Variants in ERCC1 observed in about 807,000 individuals in gnomAD.
The protein encoded by ERCC1 is DNA excision repair protein ERCC-1.
A neutral mutation model predicts 37.6 loss-of-function variants in ERCC1; 36 were observed. The observed-to-expected ratio is 0.96, with a 90% confidence interval of 0.73 to 1.26. The LOEUF (loss-of-function observed/expected upper bound fraction) is 1.26. ERCC1 is among the 50% of genes most tolerant of loss of function. ERCC1 has a pLI of 0.00. For synonymous variants in ERCC1, 156 were observed against 162.1 expected, an observed-to-expected ratio of 0.96 and a Z score of 0.28; for missense variants, 349 against 376.5, an observed-to-expected ratio of 0.93 and a Z score of 0.60.
chr19:45,419,677 T>C (rs1454885507), intron 4 of ERCC1, among the ~76,000 whole-genome samples: 2 of 152,128 alleles, frequency 1.3e-5, no homozygotes, highest in African/African-American at 4.8e-5. Context: ...GAGGTTTCAC[T>C]TCCTCTGTCT....
At chr19:45,414,820 C>A (rs1447443382) in intron 7 of ERCC1, 41 bp downstream of exon 7, 11 of 1,415,396 alleles carry the variant, frequency 7.8e-6, no homozygotes, top group Non-Finnish European at 1.1e-5. Context: ...CCAGGAGCTG[C>A]GGGGAGGCCC....
Position 45,414,606 on chromosome 19 carries a change from G to C in ERCC1, c.702+255C>G, listed in dbSNP as rs540833696. On this transcript the variant is annotated intron_variant, in intron 7 of 9. Transcript: ENST00000300853. ...AGGCCACGGGGCTTCTGAGCCTGACGGGCCCTTGTTGAGCCTGGTGAGAAG... is the reference window on the plus strand; with the variant it reads ...AGGCCACGGGGCTTCTGAGCCTGACCGGCCCTTGTTGAGCCTGGTGAGAAG... 1.6e-4 allele frequency: 78 copies of C among 487,286 alleles called. No individual in the cohort carries two copies. Among genetic ancestry groups the C allele is most frequent in the Non-Finnish European group, 2.8e-4 (74 of 265,614 alleles). 30.2% of individuals were successfully genotyped at this position (487,286 alleles called of 1,614,324 possible).
In ERCC1 at chr19:45,409,472, CG is replaced by C; in HGVS notation, c.*202del. ...GGCTCCCACAGGCCGGGACAAGAAG[CG>C]GAAGCAGCAGCAGCAGCAGCCTGTG... On this transcript the variant is annotated 3_prime_UTR_variant, in exon 10 of 10. Coordinates refer to ENST00000300853, the MANE Select transcript of ERCC1 (RefSeq NM_001983.4). 2.5e-6 allele frequency: 4 copies of C among 1,611,328 alleles called. No individual in the cohort carries two copies. The highest frequency in any genetic ancestry group is 3.4e-6 in the Non-Finnish European group (4 of 1,179,380).
chr19:45,414,139 T>C (rs1973906850), intron 7 of ERCC1, 105 bp from the exon 8 acceptor site: 1 of 870,018 alleles, frequency 1.1e-6, no homozygotes, highest in Admixed American at 1.9e-5. Context: ...CTGCCTGGCG[T>C]GCAGGAAGCA....
At chr19:45,435,125 G>A (rs1209858998) in intron 1 of ERCC1, among the ~76,000 whole-genome samples, 1 of 151,902 alleles carries the variant, frequency 6.6e-6, no homozygotes, top group East Asian at 1.9e-4. Flanking sequence ...CCCCATGTTG[G>A]CCAGGCTGGT....
upstream of ERCC1, among the ~76,000 whole-genome samples, chr19:45,428,138 C>A (rs1974745898): frequency 7.6e-6 from 1 of 132,420 alleles, no homozygotes; most frequent in Non-Finnish European, 1.5e-5. Context: ...GACTAGAGTG[C>A]GGTGGTGCGA....
Position 45,423,345 on chromosome 19 carries a change from C to A in ERCC1, c.30G>T (p.Val10=). 6.2e-7 allele frequency: 1 copy of A among 1,613,564 alleles called. No homozygotes were observed. Among genetic ancestry groups the A allele is most frequent in the South Asian group, 1.1e-5 (1 of 90,898 alleles). MDPGKDKEG[V]PQPSGPPARK... ...TTGCTGGCGGCCCTGAGGGCTGGGG[C>A]ACCCCCTCTTTGTCCTTCCCAGGGT... Residue 10 remains valine, a synonymous_variant, in exon 2 of 10, where the codon GTG becomes GTT. Coordinates refer to ENST00000300853, the MANE Select transcript of ERCC1 (RefSeq NM_001983.4).
upstream of ERCC1, among the ~76,000 whole-genome samples, chr19:45,425,355 G>A (rs1006761307): frequency 6.6e-6 from 1 of 151,926 alleles, no homozygotes; most frequent in South Asian, 2.1e-4. Context: ...GAATGAGCAG[G>A]TCATCTGGCT....
intron 2 of ERCC1, 21 bp from the exon 3 acceptor site, chr19:45,421,414 T>G: frequency 6.4e-7 from 1 of 1,569,020 alleles, no homozygotes; most frequent in Non-Finnish European, 8.7e-7. Flanking sequence ...AAAGGGAGTT[T>G]GCAGGGGACT....
At chr19:45,426,520 C>T (rs1359760091), upstream of ERCC1, among the ~76,000 whole-genome samples, 1 of 149,726 alleles carries the variant, frequency 6.7e-6, no homozygotes, top group East Asian at 1.9e-4. Flanking sequence ...CATTGCACTC[C>T]AGCCTGGGCA....
intron 1 of ERCC1, among the ~76,000 whole-genome samples, chr19:45,439,683 C>T (rs1462268515): frequency 1.3e-5 from 2 of 152,122 alleles, no homozygotes; most frequent in Admixed American, 1.3e-4. Context: ...CCCCGGCGGA[C>T]GCGTCCCGAC....
intron 1 of ERCC1, among the ~76,000 whole-genome samples, chr19:45,437,664 A>T (rs1975015266): frequency 6.6e-6 from 1 of 152,220 alleles, no homozygotes; most frequent in Non-Finnish European, 1.5e-5. Flanking sequence ...GAGCTCATAG[A>T]AACAGTATAA....
rs747817890 is a variant in ERCC1 at position 45,409,251 on chromosome 19, AAG to A, written c.*422_*423del. 1.2e-6 allele frequency: 2 copies of A among 1,613,442 alleles called. No homozygotes were observed. Among genetic ancestry groups the A allele is most frequent in the Non-Finnish European group, 1.7e-6 (2 of 1,179,654 alleles). On this transcript the variant is annotated 3_prime_UTR_variant, in exon 10 of 10. Coordinates refer to ENST00000300853, the MANE Select transcript of ERCC1 (RefSeq NM_001983.4). ...TCCACCAAGAAGAAGAAGAAGAAGA[AAG>A]AGAGAGGTCACACAGTGACTGAGCC...
At position 45,416,890 on chromosome 19, in the gene ERCC1, G is replaced by A; in HGVS notation, c.533C>T (p.Pro178Leu). ...VLLVQVDVKDPQQALKELAKM... is the reference protein window; with the variant it reads ...VLLVQVDVKDLQQALKELAKM... Reference sequence around the variant, plus strand: ...AGCCAGCTCCTTGAGGGCCTGCTGGGGATCTTTCTGGAGGAGAAAATCAGA... The same window carrying A: ...AGCCAGCTCCTTGAGGGCCTGCTGGAGATCTTTCTGGAGGAGAAAATCAGA... The change falls in exon 6 of 10, where the codon CCC (proline) becomes CTC (leucine). Residue 178 changes from proline (P) to leucine (L), a missense_variant. Transcript: ENST00000300853. 1 of 1,611,902 alleles carries A rather than the reference G, an allele frequency of 6.2e-7. No individual in the cohort carries two copies. Among genetic ancestry groups the A allele is most frequent in the Non-Finnish European group, 8.5e-7 (1 of 1,178,248 alleles).
chr19:45,447,395 C>T (rs1966981432), intron 1 of ERCC1, among the ~76,000 whole-genome samples: 1 of 151,184 alleles, frequency 6.6e-6, no homozygotes, highest in Non-Finnish European at 1.5e-5. Context: ...CCTGCCTCAG[C>T]CTCCTGAGTA....
At chr19:45,431,721 T>C (rs1414083923) in intron 1 of ERCC1, among the ~76,000 whole-genome samples, 2 of 148,148 alleles carry the variant, frequency 1.3e-5, no homozygotes, top group South Asian at 2.1e-4. Context: ...AAGACCCCTA[T>C]CTCTACAAAA....
At chr19:45,438,328 A>G (rs1975035239) in intron 1 of ERCC1, among the ~76,000 whole-genome samples, 1 of 152,130 alleles carries the variant, frequency 6.6e-6, no homozygotes, top group Non-Finnish European at 1.5e-5. Flanking sequence ...TCGGCCTCCC[A>G]AACTGCTGGA....
In ERCC1 at chr19:45,409,223, A is replaced by C. The variant is rs769460953; in HGVS notation, c.*452T>G. On this transcript the variant is annotated 3_prime_UTR_variant, in exon 10 of 10. Coordinates refer to ENST00000300853, the MANE Select transcript of ERCC1 (RefSeq NM_001983.4). ...TGACCTTGAGCCTCAGGCAGCTCCC[A>C]CATCCACCAAGAAGAAGAAGAAGAA... The C allele has an allele frequency of 4.3e-5, 69 of 1,610,040 alleles. No homozygotes were observed. The highest frequency in any genetic ancestry group is 5.7e-5 in the Non-Finnish European group (67 of 1,177,654).
At chr19:45,436,665 G>C (rs535566827) in intron 1 of ERCC1, 3 of 152,130 alleles carry the variant, frequency 2.0e-5, no homozygotes, top group Non-Finnish European at 4.4e-5. Context: ...GAGATGAAGC[G>C]GGGGGGCGGG....
Sources: gnomAD v4.1 joint callset for allele counts (sites outside exome capture counted in the v4.1 genomes callset) on GRCh38, gnomAD v4.1.1 for gene constraint, MANE v1.5 for transcripts, NCBI Gene and HGNC (gene_info 2026-07-23, HGNC 2026-07-21) for gene names.